ALPK1: variants seen among roughly 807,000 people sequenced by gnomAD.
ALPK1 encodes the protein alpha kinase 1, also known as alpha-protein kinase 1.
A neutral mutation model predicts 120.6 loss-of-function variants in ALPK1; 110 were observed. That is an observed-to-expected ratio of 0.91 (90% CI 0.78 to 1.07). The LOEUF (loss-of-function observed/expected upper bound fraction) is 1.07, where lower values mean the gene tolerates loss of function less well. Among genes scored for constraint, ALPK1 ranks in the 50% least tolerant of loss-of-function variants. ALPK1 has a pLI of 0.00. For missense variants in ALPK1, 1,498 were observed against 1,483.9 expected, an observed-to-expected ratio of 1.01 and a Z score of -0.16; for synonymous variants, 582 against 560.3, an observed-to-expected ratio of 1.04 and a Z score of -0.55.
chr4:112,302,092 C>T (rs1253417833), intron 1 of ALPK1, among the ~76,000 whole-genome samples: 3 of 152,150 alleles, frequency 2.0e-5, no homozygotes, highest in African/African-American at 7.2e-5. Flanking sequence ...CCCTAAAAAA[C>T]AGCCCTCTTT....
rs191879001 is a variant in ALPK1 at position 112,334,978 on chromosome 4, A to G, written c.-101+19126A>G. ...TACCTATGTTAAGATCCTTTTTTAAACAGGGCACAGTGGCTCATGCCTGTA... is the reference window on the plus strand; with the variant it reads ...TACCTATGTTAAGATCCTTTTTTAAGCAGGGCACAGTGGCTCATGCCTGTA... On this transcript the variant is annotated intron_variant, in intron 2 of 15. Coordinates refer to ENST00000650871, the MANE Select transcript of ALPK1 (RefSeq NM_025144.4). Among the ~76,000 whole-genome samples the G allele has an allele frequency of 2.1e-3, 323 of 152,274 alleles. 3 individuals are homozygous for G. The highest frequency in any genetic ancestry group is 7.4e-3 in the African/African-American group (306 of 41,574).
intron 2 of ALPK1, among the ~76,000 whole-genome samples, chr4:112,354,286 C>T (rs78383557): frequency 0.031 from 4,628 of 150,280 alleles, 124 homozygotes; most frequent in South Asian, 0.12. Flanking sequence ...AGGTATTCTC[C>T]GTTAGATATT....
intron 2 of ALPK1, among the ~76,000 whole-genome samples, chr4:112,332,039 G>T (rs991305321): frequency 1.3e-5 from 2 of 151,910 alleles, no homozygotes; most frequent in Admixed American, 1.3e-4. Flanking sequence ...CTCAAGTCTG[G>T]GATCTGTACT....
intron 4 of ALPK1, among the ~76,000 whole-genome samples, chr4:112,388,123 G>A (rs1355651039): frequency 6.6e-6 from 1 of 152,098 alleles, no homozygotes; most frequent in Non-Finnish European, 1.5e-5. Flanking sequence ...CTTTTTTATG[G>A]CTGCATAGTC....
rs779812602 is a variant in ALPK1 at position 112,439,884 on chromosome 4, T to G, written c.3538+12T>G. 6.4e-7 allele frequency: 1 copy of G among 1,563,472 alleles called. No individual in the cohort carries two copies. Among genetic ancestry groups the G allele is most frequent in the African/African-American group, 1.4e-5 (1 of 71,786 alleles). On this transcript the variant is annotated intron_variant, in intron 14 of 15. Transcript: ENST00000650871. ...GGTCGATTTACAAGGTATGTGAAAC[T>G]GGGAATTATTTTTATTTTTAATATT...
chr4:112,410,181 C>T (rs918442633), intron 4 of ALPK1, among the ~76,000 whole-genome samples: 3 of 152,086 alleles, frequency 2.0e-5, no homozygotes, highest in Non-Finnish European at 4.4e-5. Context: ...TCTTCTGGTA[C>T]TCTGCCCTGT....
chr4:112,375,225 G>GC (rs1265581862), intron 2 of ALPK1, among the ~76,000 whole-genome samples: 1 of 146,236 alleles, frequency 6.8e-6, no homozygotes, highest in African/African-American at 2.6e-5. Context: ...ATGTCACTCA[G>GC]CCGGAGTGTA....
chr4:112,307,575 C>A (rs1363849749), intron 1 of ALPK1, among the ~76,000 whole-genome samples: 1 of 152,050 alleles, frequency 6.6e-6, no homozygotes, highest in Non-Finnish European at 1.5e-5. Flanking sequence ...GCAACCCCTG[C>A]CTTTTTCTGT....
Position 112,430,604 on chromosome 4 carries a change from A to G in ALPK1, c.1057A>G (p.Ser353Gly). 6.2e-7 allele frequency: 1 copy of G among 1,614,170 alleles called. No individual in the cohort carries two copies. Among genetic ancestry groups the G allele is most frequent in the South Asian group, 1.1e-5 (1 of 91,080 alleles). The part of the protein sequence containing the change: ...EPVTGKQELH[S>G]FVKAAFGLTT... ...TGTTACTGGAAAACAGGAGCTTCAC[A>G]GCTTTGTCAAAGCTGCTTTCGGTCT... Residue 353 changes from serine (S) to glycine (G), a missense_variant, in exon 11 of 16, where the codon AGC (serine) becomes GGC (glycine). Transcript: ENST00000650871.
chr4:112,438,656 T>C lies in ALPK1; in HGVS notation c.3351+10T>C. The C allele has an allele frequency of 6.2e-7, 1 of 1,609,920 alleles. No individual in the cohort carries two copies. Among genetic ancestry groups the C allele is most frequent in the Non-Finnish European group, 8.5e-7 (1 of 1,177,356 alleles). On this transcript the variant is annotated intron_variant, in intron 13 of 15. Transcript: ENST00000650871. Reference sequence around the variant, plus strand: ...ATCCACAATACTACTGGTAAGATTATCCTGAACACATCATTTGGATCTTCC... The same window carrying C: ...ATCCACAATACTACTGGTAAGATTACCCTGAACACATCATTTGGATCTTCC...
intron 1 of ALPK1, among the ~76,000 whole-genome samples, chr4:112,314,458 T>C (rs1560633059): frequency 6.6e-6 from 1 of 152,162 alleles, no homozygotes; most frequent in African/African-American, 2.4e-5. Context: ...GTTGCTGTGA[T>C]TGATGATAAC....
intron 2 of ALPK1, among the ~76,000 whole-genome samples, chr4:112,367,717 G>A (rs1034544675): frequency 6.6e-6 from 1 of 152,150 alleles, no homozygotes; most frequent in Non-Finnish European, 1.5e-5. Flanking sequence ...TGGTTCTACT[G>A]CTGCTCCCTC....
intron 1 of ALPK1, among the ~76,000 whole-genome samples, chr4:112,315,279 G>A (rs1728584538): frequency 6.6e-6 from 1 of 152,006 alleles, no homozygotes; most frequent in African/African-American, 2.4e-5. Flanking sequence ...CATTTTTCTG[G>A]CAGGCCCCAA....
chr4:112,405,598 T>C (rs1733132155), intron 4 of ALPK1, among the ~76,000 whole-genome samples: 1 of 152,118 alleles, frequency 6.6e-6, no homozygotes, highest in East Asian at 1.9e-4. Context: ...TTTTTTGAGA[T>C]AGAGTCTTGC....
chr4:112,352,291 T>C (rs1730399076), intron 2 of ALPK1, among the ~76,000 whole-genome samples: 2 of 152,216 alleles, frequency 1.3e-5, no homozygotes, highest in South Asian at 4.1e-4. Context: ...ACCACTTGCT[T>C]TGAAGTCTCC....
intron 2 of ALPK1, among the ~76,000 whole-genome samples, chr4:112,338,939 C>T (rs916776007): frequency 6.6e-6 from 1 of 152,216 alleles, no homozygotes; most frequent in Non-Finnish European, 1.5e-5. Context: ...ACCCATTTAA[C>T]ACCAAACTCA....
At chr4:112,399,477 A>T (rs1248308547) in intron 4 of ALPK1, among the ~76,000 whole-genome samples, 1 of 152,176 alleles carries the variant, frequency 6.6e-6, no homozygotes, top group Non-Finnish European at 1.5e-5. Flanking sequence ...TAAAGACGTG[A>T]GGACAGTGAG....
intron 12 of ALPK1, 31 bp downstream of exon 12, chr4:112,435,332 G>A (rs1224528000): frequency 6.3e-7 from 1 of 1,592,554 alleles, no homozygotes; most frequent in Non-Finnish European, 8.5e-7. Flanking sequence ...TATAACTAAT[G>A]TAAGATGAGC....
chr4:112,419,772 T>C (rs1244163324), intron 5 of ALPK1, among the ~76,000 whole-genome samples: 1 of 152,162 alleles, frequency 6.6e-6, no homozygotes, highest in African/African-American at 2.4e-5. Context: ...TGGAAAGCAG[T>C]TTAGCACTGG....
Sources: gnomAD v4.1 joint callset for allele counts (sites outside exome capture counted in the v4.1 genomes callset) on GRCh38, gnomAD v4.1.1 for gene constraint, MANE v1.5 for transcripts, NCBI Gene and HGNC (gene_info 2026-07-23, HGNC 2026-07-21) for gene names.